Variants in ADD3 observed in about 807,000 individuals in gnomAD.
The protein encoded by ADD3 is adducin 3, also known as gamma-adducin.
A neutral mutation model predicts 80.2 loss-of-function variants in ADD3; 25 were observed. That is an observed-to-expected ratio of 0.31 (90% confidence interval 0.23 to 0.44). ADD3 has a LOEUF of 0.44. Ranked by LOEUF, ADD3 falls within the 20% of genes least tolerant of loss-of-function variation. The pLI is 1.00. For synonymous variants in ADD3, 284 were observed against 289.6 expected (o/e 0.98, Z 0.20); for missense variants, 829 against 847.5 (o/e 0.98, Z 0.27).
At chr10:110,018,820 A>G (rs1428063484) in intron 1 of ADD3, among the ~76,000 whole-genome samples, 1 of 152,202 alleles carries the variant, frequency 6.6e-6, no homozygotes, top group East Asian at 1.9e-4. Context: ...ATACATTAGA[A>G]TATGGCAGGA....
At chr10:110,047,681 A>T (rs1474796694) in intron 1 of ADD3, among the ~76,000 whole-genome samples, 1 of 152,230 alleles carries the variant, frequency 6.6e-6, no homozygotes, top group Non-Finnish European at 1.5e-5. Flanking sequence ...AAATAAGGAA[A>T]GATAGTTATA....
intron 1 of ADD3, chr10:109,997,465 T>C (rs1851402821): frequency 6.6e-6 from 1 of 152,196 alleles, no homozygotes; most frequent in South Asian, 2.1e-4. Context: ...ATAGGGATAC[T>C]TTGGAGATAT....
At chr10:110,067,063 T>C (rs1844043372) in intron 1 of ADD3, among the ~76,000 whole-genome samples, 1 of 152,222 alleles carries the variant, frequency 6.6e-6, no homozygotes, top group Non-Finnish European at 1.5e-5. Flanking sequence ...ACCTTGACTT[T>C]TGTATTATGG....
intron 1 of ADD3, among the ~76,000 whole-genome samples, chr10:110,015,890 T>G (rs1852931373): frequency 1.3e-5 from 2 of 152,186 alleles, no homozygotes; most frequent in South Asian, 2.1e-4. Flanking sequence ...TATAGCAGAA[T>G]GTAATAGGGA....
intron 1 of ADD3, among the ~76,000 whole-genome samples, chr10:110,086,114 GAAAGAA>G (rs1846706574): frequency 6.9e-6 from 1 of 145,686 alleles, no homozygotes; most frequent in Admixed American, 6.8e-5. Context: ...CTCAGAAACA[GAAAGAA>G]AAAGAAAAAG....
chr10:110,085,704 G>A (rs531332060), intron 1 of ADD3, among the ~76,000 whole-genome samples: 2 of 152,306 alleles, frequency 1.3e-5, no homozygotes, highest in East Asian at 1.9e-4. Flanking sequence ...CTAGGGTTCA[G>A]GCATAGACCT....
At chr10:110,106,406 C>A (rs1290658355) in intron 2 of ADD3, among the ~76,000 whole-genome samples, 1 of 151,786 alleles carries the variant, frequency 6.6e-6, no homozygotes, top group Non-Finnish European at 1.5e-5. Context: ...TTATCTCCTG[C>A]CACTTTCTCC....
At chr10:110,033,061 C>A (rs67781842) in intron 1 of ADD3, among the ~76,000 whole-genome samples, 17,206 of 152,254 alleles carry the variant, frequency 0.11, 1,348 homozygotes, top group Non-Finnish European at 0.18. Flanking sequence ...TCATTCATCC[C>A]TTTAACTCCT....
chr10:110,035,252 CTCA>C (rs1223125831), intron 1 of ADD3, among the ~76,000 whole-genome samples: 1 of 152,200 alleles, frequency 6.6e-6, no homozygotes, highest in Non-Finnish European at 1.5e-5. Context: ...TCATCCATTT[CTCA>C]TCATTATGTC....
At chr10:110,037,130 T>C (rs1387380416) in intron 1 of ADD3, among the ~76,000 whole-genome samples, 1 of 152,194 alleles carries the variant, frequency 6.6e-6, no homozygotes, top group Non-Finnish European at 1.5e-5. Flanking sequence ...CTAGTTCAGC[T>C]TTCTCATTTT....
intron 4 of ADD3, 43 bp from the exon 5 acceptor site, chr10:110,117,298 AT>A: frequency 1.9e-6 from 2 of 1,039,608 alleles, no homozygotes; most frequent in Non-Finnish European, 3.0e-6. Flanking sequence ...CCACTGCAAA[AT>A]ATGAACCACT....
In ADD3 at chr10:110,090,273, G is replaced by A. The variant is rs191806484; in HGVS notation, c.-29-10352G>A. 4.7e-3 allele frequency among the ~76,000 whole-genome samples: 685 copies of A among 145,710 alleles called. 7 individuals carry two copies. Among genetic ancestry groups the A allele is most frequent in the African/African-American group, 0.017 (655 of 38,932 alleles). Reference sequence around the variant, plus strand: ...CTTGCTCTGTCGCCCAGGCTGGAGTGCAGTGGCGTGATCTCAGCTCACTGC... The same window carrying A: ...CTTGCTCTGTCGCCCAGGCTGGAGTACAGTGGCGTGATCTCAGCTCACTGC... On this transcript the variant is annotated intron_variant, in intron 1 of 14. Coordinates refer to ENST00000356080, the MANE Select transcript of ADD3 (RefSeq NM_016824.5).
intron 12 of ADD3, among the ~76,000 whole-genome samples, chr10:110,128,479 G>T (rs1323636342): frequency 6.6e-6 from 1 of 151,882 alleles, no homozygotes; most frequent in Non-Finnish European, 1.5e-5. Flanking sequence ...GCAGTGGCGC[G>T]ATCTTGGCTC....
At chr10:110,014,103 GAA>G (rs1852644685) in intron 1 of ADD3, among the ~76,000 whole-genome samples, 1 of 152,230 alleles carries the variant, frequency 6.6e-6, no homozygotes, top group African/African-American at 2.4e-5. Context: ...TCCTCCTGAA[GAA>G]GATAGTTAGG....
At chr10:110,013,672 A>AT (rs1283042384) in intron 1 of ADD3, among the ~76,000 whole-genome samples, 1 of 152,162 alleles carries the variant, frequency 6.6e-6, no homozygotes, top group African/African-American at 2.4e-5. Flanking sequence ...ACACGAAATT[A>AT]TTTTTTTAAG....
chr10:110,014,728 TG>T lies in ADD3; in HGVS notation c.-30+6430del, dbSNP rs1852733209. ...TTTTAGTAGAGATGGGGTTTCTCCA[TG>T]TTGGTCAGGCTGGTCTCGAACTCCC... On this transcript the variant is annotated intron_variant, in intron 1 of 14. Coordinates refer to ENST00000356080, the MANE Select transcript of ADD3 (RefSeq NM_016824.5). Among the ~76,000 whole-genome samples the T allele has an allele frequency of 2.0e-5, 3 of 151,934 alleles. No individual in the cohort carries two copies. The South Asian group carries it at 6.2e-4, about 32-fold the overall frequency.
chr10:110,075,022 C>G (rs566764163), intron 1 of ADD3, among the ~76,000 whole-genome samples: 46 of 152,274 alleles, frequency 3.0e-4, no homozygotes, highest in African/African-American at 1.0e-3. Context: ...GAAAAACTTG[C>G]TTTTCTGCAT....
chr10:110,117,014 A>G (rs1183440556), intron 4 of ADD3, among the ~76,000 whole-genome samples: 1 of 152,210 alleles, frequency 6.6e-6, no homozygotes, highest in African/African-American at 2.4e-5. Flanking sequence ...CTTCCAAGTT[A>G]TAAATTAAGG....
intron 12 of ADD3, among the ~76,000 whole-genome samples, chr10:110,127,485 C>T (rs1379793039): frequency 2.0e-5 from 3 of 152,130 alleles, no homozygotes; most frequent in Non-Finnish European, 2.9e-5. Context: ...TGCGTGGTGG[C>T]GTGCACCTGT....
Sources: gnomAD v4.1 joint callset for allele counts (sites outside exome capture counted in the v4.1 genomes callset) on GRCh38, gnomAD v4.1.1 for gene constraint, MANE v1.5 for transcripts, NCBI Gene and HGNC (gene_info 2026-07-23, HGNC 2026-07-21) for gene names.